Variants in RAP1GAP2 observed in about 807,000 individuals in gnomAD.
The protein encoded by RAP1GAP2 is RAP1 GTPase activating protein 2, also known as rap1 GTPase-activating protein 2.
Under a neutral mutation model 95.0 loss-of-function variants are expected in RAP1GAP2, and 27 were observed. That is an observed-to-expected ratio of 0.28 (90% CI 0.21 to 0.39). The LOEUF is 0.39. RAP1GAP2 is among the 10% of genes least tolerant of loss of function. The pLI is 1.00. For synonymous variants in RAP1GAP2, 373 were observed against 380.9 expected, an observed-to-expected ratio of 0.98 and a Z score of 0.24; for missense variants, 771 against 970.0, an observed-to-expected ratio of 0.79 and a Z score of 2.72.
intron 2 of RAP1GAP2, among the ~76,000 whole-genome samples, chr17:2,812,688 C>T (rs1203084211): frequency 6.6e-6 from 1 of 152,056 alleles, no homozygotes; most frequent in Non-Finnish European, 1.5e-5. Context: ...CCTGGAGGTG[C>T]TTTTAAAAAT....
At position 2,965,926 on chromosome 17, in the gene RAP1GAP2, C is replaced by T; in HGVS notation, c.596+283C>T. On this transcript the variant is annotated intron_variant, in intron 8 of 24. Transcript: ENST00000254695. The surrounding 1 kb of genome is among the most constrained non-coding windows in gnomAD (Gnocchi z 4.7). ...CCCTCTTTCTTACAAGTCCATGGCT[C>T]TGAGGAAGACGGGAAGAAAAGTAGG... 1 of 428,422 alleles carries T rather than the reference C, an allele frequency of 2.3e-6. No individual in the cohort carries two copies. Among genetic ancestry groups the T allele is most frequent in the South Asian group, 3.2e-5 (1 of 31,404 alleles). The allele number at this position is 428,422 out of a possible 1,614,324, so 26.5% of individuals were successfully genotyped here.
intron 3 of RAP1GAP2, among the ~76,000 whole-genome samples, chr17:2,956,211 G>A (rs914977004): frequency 1.2e-4 from 19 of 152,212 alleles, no homozygotes; most frequent in Admixed American, 9.8e-4. Context: ...GATGTTTGGC[G>A]GCTCACTTCT....
chr17:3,013,423 C>T (rs776421332), intron 17 of RAP1GAP2, among the ~76,000 whole-genome samples: 2 of 152,078 alleles, frequency 1.3e-5, no homozygotes, highest in South Asian at 2.1e-4. Context: ...ACTCCTGGGT[C>T]GGAGTCATGG....
At chr17:2,943,878 G>A (rs1447747592) in intron 3 of RAP1GAP2, among the ~76,000 whole-genome samples, 2 of 151,502 alleles carry the variant, frequency 1.3e-5, no homozygotes, top group African/African-American at 4.9e-5. Flanking sequence ...GGCCAGGCAT[G>A]GTGGCTCACG....
intron 8 of RAP1GAP2, among the ~76,000 whole-genome samples, chr17:2,970,148 C>T (rs974929761): frequency 4.6e-5 from 7 of 151,706 alleles, no homozygotes; most frequent in African/African-American, 1.7e-4. Flanking sequence ...GTGACATGCA[C>T]CTGTAACCCT....
At chr17:2,874,132 A>T (rs1201710104) in intron 2 of RAP1GAP2, among the ~76,000 whole-genome samples, 1 of 152,182 alleles carries the variant, frequency 6.6e-6, no homozygotes, top group East Asian at 1.9e-4. Flanking sequence ...TTTCTCAAAG[A>T]ATCAGTTTCT....
intron 2 of RAP1GAP2, among the ~76,000 whole-genome samples, chr17:2,832,825 A>G (rs1259954769): frequency 6.6e-6 from 1 of 151,306 alleles, no homozygotes; most frequent in Non-Finnish European, 1.5e-5. Flanking sequence ...AAAATACAAA[A>G]AGTAGCTGGG....
chr17:2,842,993 C>G (rs746981787), intron 2 of RAP1GAP2, among the ~76,000 whole-genome samples: 8 of 152,090 alleles, frequency 5.3e-5, no homozygotes, highest in Non-Finnish European at 1.2e-4. Flanking sequence ...AGACGCCATC[C>G]TGAGTGTGGG....
intron 3 of RAP1GAP2, among the ~76,000 whole-genome samples, chr17:2,935,584 G>T (rs1415321052): frequency 6.6e-6 from 1 of 151,992 alleles, no homozygotes; most frequent in Non-Finnish European, 1.5e-5. Flanking sequence ...ATCAATAAAT[G>T]TCACCCCCCC....
Position 2,828,289 on chromosome 17 carries a change from C to T in RAP1GAP2, c.80+27739C>T, listed in dbSNP as rs376368154. 7.9e-5 allele frequency among the ~76,000 whole-genome samples: 12 copies of T among 152,102 alleles called. No homozygotes were observed. The South Asian group carries it at 2.1e-3, about 26-fold the overall frequency. ...CTGGGAGGCGGAGGTTGCAGTGAGC[C>T]GAGATCGCGCCATTGCACTCCAACC... On this transcript the variant is annotated intron_variant, in intron 2 of 24. Transcript: ENST00000254695.
rs530317461 is a variant in RAP1GAP2 at position 2,870,784 on chromosome 17, G to A, written c.81-34500G>A. 5.3e-5 allele frequency among the ~76,000 whole-genome samples: 8 copies of A among 152,274 alleles called. No individual in the cohort carries two copies. The East Asian group carries it at 1.5e-3, about 29-fold the overall frequency. On this transcript the variant is annotated intron_variant, in intron 2 of 24. Coordinates refer to ENST00000254695, the MANE Select transcript of RAP1GAP2 (RefSeq NM_015085.5). The surrounding 1 kb of genome is among the most constrained non-coding windows in gnomAD (Gnocchi z 4.4). ...TTATTGGCTGGGGTAACCCATCTGTGGAAAGGGTTGGGCCTCAGAAACAGC... is the reference window on the plus strand; with the variant it reads ...TTATTGGCTGGGGTAACCCATCTGTAGAAAGGGTTGGGCCTCAGAAACAGC...
chr17:2,957,595 G>C (rs1037037739), intron 3 of RAP1GAP2, among the ~76,000 whole-genome samples, 164 bp from the exon 4 acceptor site: 2 of 152,160 alleles, frequency 1.3e-5, no homozygotes, highest in African/African-American at 4.8e-5. Context: ...TGGCCCTCTA[G>C]CCCTGCAAAG....
intron 2 of RAP1GAP2, among the ~76,000 whole-genome samples, chr17:2,837,418 T>G (rs1450814597): frequency 6.6e-6 from 1 of 151,896 alleles, no homozygotes; most frequent in Non-Finnish European, 1.5e-5. Flanking sequence ...ATCAAGGTAC[T>G]GTCAGCTAGA....
intron 9 of RAP1GAP2, among the ~76,000 whole-genome samples, chr17:2,980,964 G>A (rs1004543042): frequency 3.3e-5 from 5 of 152,116 alleles, no homozygotes; most frequent in African/African-American, 1.2e-4. Context: ...AGGCCAGAAC[G>A]GTGACGAGCC....
chr17:2,787,819 G>C (rs1477408103), intron 1 of RAP1GAP2, among the ~76,000 whole-genome samples: 1 of 152,030 alleles, frequency 6.6e-6, no homozygotes, highest in Non-Finnish European at 1.5e-5. Context: ...TGCCCGCCTC[G>C]GCCTCCCAAA....
intron 2 of RAP1GAP2, among the ~76,000 whole-genome samples, chr17:2,842,133 T>C (rs1205585760): frequency 2.0e-5 from 3 of 152,210 alleles, no homozygotes; most frequent in Non-Finnish European, 4.4e-5. Flanking sequence ...GGAAGAGACC[T>C]GTCCAGGTCA....
intron 1 of RAP1GAP2, among the ~76,000 whole-genome samples, chr17:2,778,220 G>C (rs983820638): frequency 3.3e-5 from 5 of 151,406 alleles, no homozygotes; most frequent in Admixed American, 3.3e-4. Context: ...GGCTGCTCAG[G>C]CTTCAAGAAG....
chr17:2,900,706 T>C (rs2041999855), intron 2 of RAP1GAP2, among the ~76,000 whole-genome samples: 1 of 152,202 alleles, frequency 6.6e-6, no homozygotes, highest in Non-Finnish European at 1.5e-5. Flanking sequence ...CCTCCCAAAG[T>C]GCTGGGATTA....
chr17:3,007,406 G>A (rs1250733605), intron 16 of RAP1GAP2, among the ~76,000 whole-genome samples: 1 of 152,172 alleles, frequency 6.6e-6, no homozygotes, highest in Non-Finnish European at 1.5e-5. Flanking sequence ...ATGCAGGAGA[G>A]ATGACAAAGG....
Sources: gnomAD v4.1 joint callset for allele counts (sites outside exome capture counted in the v4.1 genomes callset) on GRCh38, gnomAD v4.1.1 for gene constraint, Gnocchi (gnomAD v3.1) non-coding constraint, MANE v1.5 for transcripts, NCBI Gene and HGNC (gene_info 2026-07-23, HGNC 2026-07-21) for gene names.